ACAP2: variants seen among roughly 807,000 people sequenced by gnomAD.
The protein encoded by ACAP2 is arf-GAP with coiled-coil, ANK repeat and PH domain-containing protein 2.
A neutral mutation model predicts 115.8 loss-of-function variants in ACAP2; 39 were observed. The observed-to-expected ratio is 0.34, with a 90% CI of 0.26 to 0.44. The LOEUF is 0.44. Ranked by LOEUF, ACAP2 falls within the 20% of genes least tolerant of loss-of-function variation. The probability of loss-of-function intolerance (pLI) is 1.00; values close to 1 mark genes in which losing one functional copy is unlikely to be tolerated. For missense variants in ACAP2, 662 were observed against 927.6 expected (o/e 0.71, Z 3.72); for synonymous variants, 289 against 315.8 (o/e 0.92, Z 0.90).
intron 1 of ACAP2, among the ~76,000 whole-genome samples, chr3:195,428,275 T>C (rs902636612): frequency 2.0e-5 from 3 of 150,516 alleles, no homozygotes; most frequent in Non-Finnish European, 4.4e-5. Context: ...GATGTATATA[T>C]ACAGTCATAC....
intron 9 of ACAP2, among the ~76,000 whole-genome samples, chr3:195,324,468 C>A (rs747795137): frequency 1.3e-5 from 2 of 152,000 alleles, no homozygotes; most frequent in Non-Finnish European, 2.9e-5. Context: ...AATTAAAGAC[C>A]TAAAAAGCGG....
intron 10 of ACAP2, among the ~76,000 whole-genome samples, chr3:195,311,392 C>T (rs1728759593): frequency 6.6e-6 from 1 of 151,922 alleles, no homozygotes; most frequent in East Asian, 1.9e-4. Flanking sequence ...CCACCACGCC[C>T]GGCCCTAGTT....
Position 195,326,928 on chromosome 3 carries a change from T to G in ACAP2, c.701A>C (p.Glu234Ala). Residue 234 changes from glutamate (E) to alanine (A), a missense_variant, in exon 9 of 23, where the codon GAG becomes GCG. Physicochemically the swap from Glu to Ala is moderately radical, Grantham distance 107 (BLOSUM62 -1). Coordinates refer to ENST00000326793, the MANE Select transcript of ACAP2 (RefSeq NM_012287.6). ...ATGTTTTTGCTCCATTTCTCTTTTC[T>G]CCTTTGCTGCATCCACAACCAGTCG... is the stretch of plus-strand genomic sequence containing the variant. ...LDRLVVDAAKEKREMEQKHST... is the reference protein window; with the variant it reads ...LDRLVVDAAKAKREMEQKHST... 1.9e-6 allele frequency: 3 copies of G among 1,614,004 alleles called. No individual in the cohort carries two copies. The highest frequency in any genetic ancestry group is 2.5e-6 in the Non-Finnish European group (3 of 1,179,976).
chr3:195,295,998 T>A, intron 16 of ACAP2, 106 bp from the exon 17 acceptor site: 1 of 840,508 alleles, frequency 1.2e-6, no homozygotes, highest in Non-Finnish European at 1.8e-6. Flanking sequence ...TCACTGAATG[T>A]AATACTGGTT....
intron 15 of ACAP2, 109 bp downstream of exon 15, chr3:195,301,466 C>T (rs1046767157): frequency 1.2e-6 from 1 of 823,164 alleles, no homozygotes; most frequent in African/African-American, 1.7e-5. Context: ...TACAATTTAG[C>T]TAGCATACAT....
At position 195,278,988 on chromosome 3, in the gene ACAP2, G is replaced by GA. The variant is rs1034703520; in HGVS notation, c.*339dup. On this transcript the variant is annotated 3_prime_UTR_variant, in exon 23 of 23. Transcript: ENST00000326793. ...GTGATCCTGGGCAAGATGCATGGAG[G>GA]AAAAAAATCAATGCCACCACCCATT... 14 of 175,110 alleles carry GA rather than the reference G, an allele frequency of 8.0e-5. No individual in the cohort carries two copies. Among genetic ancestry groups the GA allele is most frequent in the Non-Finnish European group, 1.3e-4 (11 of 83,314 alleles). The allele number at this position is 175,110 out of a possible 1,614,324, so 10.8% of individuals were successfully genotyped here.
At chr3:195,441,625 G>A (rs1715998942) in intron 1 of ACAP2, among the ~76,000 whole-genome samples, 1 of 152,268 alleles carries the variant, frequency 6.6e-6, no homozygotes, top group South Asian at 2.1e-4. Context: ...GGCAGAGGAT[G>A]CAATTTACAA....
intron 7 of ACAP2, chr3:195,335,798 A>G (rs990015376): frequency 1.3e-5 from 2 of 152,114 alleles, no homozygotes; most frequent in African/African-American, 4.8e-5. Flanking sequence ...AAAGTAAGTC[A>G]GTAAGTAATT....
intron 7 of ACAP2, among the ~76,000 whole-genome samples, chr3:195,335,086 A>G (rs978011690): frequency 6.6e-6 from 1 of 152,206 alleles, no homozygotes; most frequent in Non-Finnish European, 1.5e-5. Flanking sequence ...ATGAAAATAT[A>G]TGAAATTTAT....
intron 4 of ACAP2, among the ~76,000 whole-genome samples, chr3:195,348,285 C>T (rs975395418): frequency 6.6e-6 from 1 of 151,482 alleles, no homozygotes; most frequent in African/African-American, 2.4e-5. Flanking sequence ...AAATGGCACA[C>T]ATACCTTAAA....
intron 4 of ACAP2, among the ~76,000 whole-genome samples, chr3:195,355,281 C>CTTTTCTT (rs1731881677): frequency 7.9e-6 from 1 of 126,854 alleles, no homozygotes; most frequent in Non-Finnish European, 1.7e-5. Context: ...TCTTTTTCTT[C>CTTTTCTT]TTTTTTTTTT....
chr3:195,384,454 T>G (rs531945625), intron 2 of ACAP2, among the ~76,000 whole-genome samples: 4 of 152,250 alleles, frequency 2.6e-5, no homozygotes, highest in Admixed American at 2.6e-4. Context: ...AGGCCAGGCA[T>G]GGTGGCTCAC....
chr3:195,325,862 C>A (rs1729762149), intron 9 of ACAP2, among the ~76,000 whole-genome samples: 1 of 151,926 alleles, frequency 6.6e-6, no homozygotes, highest in East Asian at 1.9e-4. Flanking sequence ...AAAAGTTAAC[C>A]AAACAAAAGT....
intron 10 of ACAP2, among the ~76,000 whole-genome samples, chr3:195,312,677 T>C (rs1300430577): frequency 1.3e-5 from 2 of 152,064 alleles, no homozygotes; most frequent in South Asian, 2.1e-4. Context: ...AAAAAAAAAG[T>C]AAATTACTCA....
Position 195,302,021 on chromosome 3 carries a change from A to G in ACAP2, c.1270T>C (p.Trp424Arg), listed in dbSNP as rs1374154879. 6.2e-7 allele frequency: 1 copy of G among 1,613,854 alleles called. No homozygotes were observed. Among genetic ancestry groups the G allele is most frequent in the Non-Finnish European group, 8.5e-7 (1 of 1,180,032 alleles). Residue 424 changes from tryptophan (W) to arginine (R), a missense_variant, in exon 14 of 23, where the codon TGG becomes CGG. By Grantham distance (101) the Trp-to-Arg change is moderately radical (BLOSUM62 -3). Coordinates refer to ENST00000326793, the MANE Select transcript of ACAP2 (RefSeq NM_012287.6). ...GTGATGCCCAGGTTGATGCTGGCCC[A>G]CCGTGGATCTGCCAGGCCACAGTCA... ...CCDCGLADPRWASINLGITLC... is the reference protein window; with the variant it reads ...CCDCGLADPRRASINLGITLC...
intron 6 of ACAP2, among the ~76,000 whole-genome samples, chr3:195,341,026 G>C (rs1225332353): frequency 6.6e-6 from 1 of 151,926 alleles, no homozygotes; most frequent in Non-Finnish European, 1.5e-5. Flanking sequence ...TTTTTCTTAA[G>C]AAATATTCTG....
chr3:195,311,093 T>TG (rs1263466071), intron 10 of ACAP2, among the ~76,000 whole-genome samples: 2 of 104,134 alleles, frequency 1.9e-5, no homozygotes, highest in African/African-American at 3.9e-5. Context: ...GGTTTTTTTG[T>TG]TTTTTTTTTG....
chr3:195,331,906 G>A (rs62287108), intron 8 of ACAP2, among the ~76,000 whole-genome samples: 43,658 of 151,684 alleles, frequency 0.29, 7,157 homozygotes, highest in East Asian at 0.71. Context: ...AGGCTGAGGC[G>A]GGCAGATCAC....
intron 1 of ACAP2, among the ~76,000 whole-genome samples, chr3:195,435,689 T>G (rs1335004650): frequency 1.3e-5 from 2 of 152,226 alleles, no homozygotes; most frequent in African/African-American, 4.8e-5. Context: ...ATTTCAAATT[T>G]TATCCCCTTA....
Sources: gnomAD v4.1 joint callset for allele counts (sites outside exome capture counted in the v4.1 genomes callset) on GRCh38, gnomAD v4.1.1 for gene constraint, MANE v1.5 for transcripts, NCBI Gene and HGNC (gene_info 2026-07-23, HGNC 2026-07-21) for gene names.